SORCS3: variants seen among roughly 807,000 people sequenced by gnomAD.
The protein encoded by SORCS3 is VPS10 domain-containing receptor SorCS3.
SORCS3 carries 57 observed loss-of-function variants against 146.3 expected under a neutral mutation model. The ratio of observed to expected loss-of-function variants is 0.39; its 90% CI spans 0.31 to 0.49. The LOEUF is 0.49. SORCS3 is among the 20% of genes least tolerant of loss of function. The pLI is 0.92. For missense variants in SORCS3, 1,341 were observed against 1,575.5 expected (o/e 0.85, Z 2.52); for synonymous variants, 653 against 618.5 (o/e 1.06, Z -0.83).
At chr10:104,983,102 C>T (rs565751015) in intron 4 of SORCS3, among the ~76,000 whole-genome samples, 40 of 152,126 alleles carry the variant, frequency 2.6e-4, no homozygotes, top group Admixed American at 1.8e-3. Flanking sequence ...TCGATTCAAG[C>T]GATTCTTGGG....
chr10:105,084,410 T>A (rs2055645242), intron 5 of SORCS3, among the ~76,000 whole-genome samples: 1 of 152,194 alleles, frequency 6.6e-6, no homozygotes, highest in Non-Finnish European at 1.5e-5. Flanking sequence ...CACTTTTCCT[T>A]AAAGAAGAAA....
intron 3 of SORCS3, among the ~76,000 whole-genome samples, chr10:104,936,526 G>A (rs2019262145): frequency 6.6e-6 from 1 of 152,182 alleles, no homozygotes; most frequent in South Asian, 2.1e-4. Flanking sequence ...GGACTGCAGA[G>A]AGACAGGTTG....
intron 2 of SORCS3, among the ~76,000 whole-genome samples, chr10:104,886,200 G>T (rs1203581099): frequency 1.3e-5 from 2 of 152,118 alleles, no homozygotes; most frequent in Non-Finnish European, 2.9e-5. Flanking sequence ...CAATGAGGTG[G>T]AGGTGGAGGC....
In SORCS3 at chr10:104,977,513, A is replaced by G. The variant is rs1253231538; in HGVS notation, c.954+20A>G. ...CAAAAGGTGAATAAATACTATTTTC[A>G]TTTACTTCTTGTCATCCAGGTACCA... is the stretch of plus-strand genomic sequence containing the variant. On this transcript the variant is annotated intron_variant, in intron 4 of 26. Transcript: ENST00000369701. 27 of 1,577,062 alleles carry G rather than the reference A, an allele frequency of 1.7e-5. No individual in the cohort carries two copies. The highest frequency in any genetic ancestry group is 2.7e-5 in the African/African-American group (2 of 73,634).
chr10:104,765,216 C>T (rs1016978595), intron 1 of SORCS3, among the ~76,000 whole-genome samples: 1 of 152,178 alleles, frequency 6.6e-6, no homozygotes, highest in African/African-American at 2.4e-5. Context: ...TTTCTCTCTC[C>T]TTGAGTGTGA....
intron 22 of SORCS3, among the ~76,000 whole-genome samples, chr10:105,247,895 C>T (rs1157872800): frequency 6.6e-6 from 1 of 152,130 alleles, no homozygotes; most frequent in African/African-American, 2.4e-5. Context: ...GGGCTTGATC[C>T]CTTTAATGCA....
At chr10:104,697,800 T>C (rs934129407) in intron 1 of SORCS3, among the ~76,000 whole-genome samples, 7 of 152,150 alleles carry the variant, frequency 4.6e-5, no homozygotes, top group Admixed American at 2.6e-4. Flanking sequence ...CACTTACGAA[T>C]AGTTAATTTT....
intron 4 of SORCS3, among the ~76,000 whole-genome samples, chr10:105,003,998 C>CTTTTTTT (rs35604992): frequency 2.5e-4 from 34 of 136,008 alleles, no homozygotes; most frequent in African/African-American, 7.9e-4. Flanking sequence ...TCTCTTCTCT[C>CTTTTTTT]TCTTTTTTTT....
At chr10:104,968,528 C>T (rs933302326) in intron 3 of SORCS3, among the ~76,000 whole-genome samples, 1 of 152,102 alleles carries the variant, frequency 6.6e-6, no homozygotes, top group Non-Finnish European at 1.5e-5. Context: ...TTGAAAAACC[C>T]CTCTTCCCCT....
intron 3 of SORCS3, among the ~76,000 whole-genome samples, chr10:104,938,513 C>A (rs576100549): frequency 1.3e-5 from 2 of 152,244 alleles, no homozygotes; most frequent in South Asian, 4.2e-4. Flanking sequence ...TACACTCCCC[C>A]AGTAGCACCA....
intron 20 of SORCS3, among the ~76,000 whole-genome samples, chr10:105,232,629 A>C (rs1025244749): frequency 1.3e-5 from 2 of 149,850 alleles, no homozygotes; most frequent in African/African-American, 4.9e-5. Flanking sequence ...TAGATGACTG[A>C]TTCTAGATAC....
intron 6 of SORCS3, among the ~76,000 whole-genome samples, chr10:105,102,107 T>C (rs1277178598): frequency 3.3e-5 from 5 of 152,156 alleles, no homozygotes; most frequent in Non-Finnish European, 5.9e-5. Context: ...TTAAAGCATG[T>C]TGGACAAGCT....
intron 4 of SORCS3, among the ~76,000 whole-genome samples, chr10:105,037,238 G>A (rs913973042): frequency 6.6e-6 from 1 of 152,184 alleles, no homozygotes; most frequent in Non-Finnish European, 1.5e-5. Context: ...AAATGCCTAG[G>A]TGGTGACAGG....
At chr10:105,029,962 T>C (rs1160563705) in intron 4 of SORCS3, among the ~76,000 whole-genome samples, 2 of 152,202 alleles carry the variant, frequency 1.3e-5, no homozygotes, top group Non-Finnish European at 2.9e-5. Context: ...GAGGGGATAC[T>C]GGAATGTACA....
intron 19 of SORCS3, chr10:105,217,983 G>A: frequency 4.8e-6 from 2 of 415,794 alleles, no homozygotes; most frequent in Non-Finnish European, 9.6e-6. Context: ...GCTACATATA[G>A]TGAAAATCAT....
intron 2 of SORCS3, among the ~76,000 whole-genome samples, chr10:104,868,825 C>G (rs540090084): frequency 1.3e-5 from 2 of 152,288 alleles, no homozygotes; most frequent in South Asian, 4.1e-4. Flanking sequence ...TGTTAGTTTT[C>G]TAAAAATGCT....
intron 10 of SORCS3, 121 bp downstream of exon 10, chr10:105,157,405 C>T (rs1008981542): frequency 1.5e-5 from 18 of 1,210,662 alleles, no homozygotes; most frequent in Non-Finnish European, 1.7e-5. Context: ...CAGTAATTTT[C>T]TAAAACTTGC....
intron 4 of SORCS3, among the ~76,000 whole-genome samples, chr10:105,013,172 C>A (rs929877855): frequency 6.6e-6 from 1 of 151,712 alleles, no homozygotes; most frequent in Admixed American, 6.6e-5. Context: ...TAATGATTTA[C>A]AAAAGAAAAA....
chr10:105,070,331 A>G (rs1342260454), intron 5 of SORCS3, among the ~76,000 whole-genome samples: 4 of 152,234 alleles, frequency 2.6e-5, no homozygotes, highest in Non-Finnish European at 4.4e-5. Flanking sequence ...CCAGGATCCA[A>G]TGCAGGCTTA....
Sources: gnomAD v4.1 joint callset for allele counts (sites outside exome capture counted in the v4.1 genomes callset) on GRCh38, gnomAD v4.1.1 for gene constraint, MANE v1.5 for transcripts, NCBI Gene and HGNC (gene_info 2026-07-23, HGNC 2026-07-21) for gene names.